TENM3: variants seen among roughly 807,000 people sequenced by gnomAD.
TENM3 encodes the protein teneurin transmembrane protein 3, also known as teneurin-3.
Under a neutral mutation model 255.1 loss-of-function variants are expected in TENM3, and 63 were observed. That is an observed-to-expected ratio of 0.25 (90% CI 0.20 to 0.30). The LOEUF is 0.30. Ranked by LOEUF, TENM3 falls within the 10% of genes least tolerant of loss-of-function variation. TENM3 has a pLI of 1.00. For synonymous variants in TENM3, 1,306 were observed against 1,322.3 expected, an observed-to-expected ratio of 0.99 and a Z score of 0.27; for missense variants, 2,929 against 3,461.1, an observed-to-expected ratio of 0.85 and a Z score of 3.86.
At chr4:181,863,391 A>C in the TENM3 span, among the ~76,000 whole-genome samples, 2 of 152,220 alleles carry the variant, frequency 1.3e-5, no homozygotes, top group Non-Finnish European at 2.9e-5. Context: ...ATCATGCATA[A>C]AAAGCATGAA....
intron 22 of TENM3, among the ~76,000 whole-genome samples, chr4:182,770,548 C>T (rs1764116840): frequency 6.6e-6 from 1 of 152,208 alleles, no homozygotes; most frequent in African/African-American, 2.4e-5. Flanking sequence ...AGTTGAGCCA[C>T]ACAGTTGCAA....
intron 12 of TENM3, among the ~76,000 whole-genome samples, chr4:182,712,788 T>C (rs1233681367): frequency 6.6e-6 from 1 of 152,248 alleles, no homozygotes; most frequent in Non-Finnish European, 1.5e-5. Flanking sequence ...AATAGTAGCA[T>C]TCAAATGATA....
chr4:181,924,409 T>C, the TENM3 span, among the ~76,000 whole-genome samples: 1 of 152,230 alleles, frequency 6.6e-6, no homozygotes, highest in Non-Finnish European at 1.5e-5. Context: ...TACTAGCTTG[T>C]ATGCAGGGTG....
chr4:182,163,645 AG>A (rs1425696560), intron 1 of TENM3, among the ~76,000 whole-genome samples: 2 of 152,200 alleles, frequency 1.3e-5, no homozygotes, highest in African/African-American at 4.8e-5. Flanking sequence ...AGGAGTAGGA[AG>A]GAATTTAGAG....
At chr4:182,405,274 C>T (rs1000936614) in intron 3 of TENM3, among the ~76,000 whole-genome samples, 2 of 152,186 alleles carry the variant, frequency 1.3e-5, no homozygotes, top group Non-Finnish European at 2.9e-5. Context: ...TCCTGAATGC[C>T]TCCTTTTGTA....
intron 13 of TENM3, among the ~76,000 whole-genome samples, chr4:182,717,011 G>T (rs561276200): frequency 9.2e-5 from 14 of 152,218 alleles, no homozygotes; most frequent in Non-Finnish European, 1.6e-4. Context: ...GTAGAACACA[G>T]TGTTTGTAAA....
the TENM3 span, among the ~76,000 whole-genome samples, chr4:181,787,148 G>A: frequency 6.6e-6 from 1 of 152,134 alleles, no homozygotes; most frequent in Non-Finnish European, 1.5e-5. Context: ...GGCCGGACAC[G>A]CCTTGTTCCA....
At chr4:182,589,857 A>T (rs760912250) in intron 3 of TENM3, among the ~76,000 whole-genome samples, 1 of 151,902 alleles carries the variant, frequency 6.6e-6, no homozygotes, top group Non-Finnish European at 1.5e-5. Flanking sequence ...GCCTGTAATC[A>T]CAGCTACTTG....
At chr4:182,679,390 T>G (rs1441964288) in intron 7 of TENM3, among the ~76,000 whole-genome samples, 2 of 152,196 alleles carry the variant, frequency 1.3e-5, no homozygotes, top group African/African-American at 4.8e-5. Context: ...ATCAAACTTT[T>G]GATCAGTCAG....
intron 3 of TENM3, among the ~76,000 whole-genome samples, chr4:182,450,612 CTG>C (rs1365589165): frequency 1.3e-5 from 2 of 152,220 alleles, no homozygotes; most frequent in Non-Finnish European, 2.9e-5. Context: ...TATACATTAA[CTG>C]AGAGACTGAA....
chr4:181,481,618 C>T, the TENM3 span, among the ~76,000 whole-genome samples: 6 of 152,080 alleles, frequency 3.9e-5, no homozygotes, highest in African/African-American at 9.7e-5. Context: ...AGTAAAACCA[C>T]GTAAACCAGA....
rs1760992712 is a variant in TENM3, at chr4:182,734,195, A to G, written c.2968-2613A>G. Among the ~76,000 whole-genome samples, 4 of 152,328 alleles carry G rather than the reference A, an allele frequency of 2.6e-5. No individual in the cohort carries two copies. In the South Asian group the frequency reaches 6.2e-4, roughly 24 times the overall value. On this transcript the variant is annotated intron_variant, in intron 16 of 27. Transcript: ENST00000511685. ...CTGAGGAGTTTGGGCTGAAACAAGG[A>G]TTAGGCTGGAGAGGGAGGAAAGCAC...
At chr4:181,870,118 A>G in the TENM3 span, among the ~76,000 whole-genome samples, 3 of 152,210 alleles carry the variant, frequency 2.0e-5, no homozygotes, top group East Asian at 5.8e-4. Flanking sequence ...ATTCAACGTG[A>G]TGTTTTTCAG....
intron 1 of TENM3, among the ~76,000 whole-genome samples, chr4:182,276,284 A>G (rs1326257176): frequency 6.6e-6 from 1 of 152,228 alleles, no homozygotes. Flanking sequence ...TCTCTCATTG[A>G]CCTTTTATCA....
chr4:181,707,593 T>C, the TENM3 span, among the ~76,000 whole-genome samples: 4,541 of 152,298 alleles, frequency 0.03, 199 homozygotes, highest in African/African-American at 0.1. Flanking sequence ...CATACTTGTA[T>C]GAATTTTCTG....
intron 1 of TENM3, among the ~76,000 whole-genome samples, chr4:182,176,495 T>C (rs1752495279): frequency 6.6e-6 from 1 of 152,208 alleles, no homozygotes; most frequent in African/African-American, 2.4e-5. Flanking sequence ...ACTGTTATTA[T>C]AGAAATTGAA....
intron 3 of TENM3, among the ~76,000 whole-genome samples, chr4:182,599,597 C>A (rs148005321): frequency 6.6e-6 from 1 of 152,020 alleles, no homozygotes; most frequent in Non-Finnish European, 1.5e-5. Context: ...TTATTTTTAT[C>A]ATTGTACCCT....
At chr4:182,161,747 GTATATATATACA>G in intron 1 of TENM3, among the ~76,000 whole-genome samples, 1 of 43,732 alleles carries the variant, frequency 2.3e-5, no homozygotes, top group African/African-American at 8.4e-5. Flanking sequence ...AAATATATGT[GTATATATATACA>G]TATATATGTG....
the TENM3 span, among the ~76,000 whole-genome samples, chr4:181,729,933 G>T: frequency 6.6e-6 from 1 of 152,174 alleles, no homozygotes; most frequent in African/African-American, 2.4e-5. Context: ...ACACAATGTT[G>T]TCCAAAAGAC....
Sources: gnomAD v4.1 joint callset for allele counts (sites outside exome capture counted in the v4.1 genomes callset) on GRCh38, gnomAD v4.1.1 for gene constraint, MANE v1.5 for transcripts, NCBI Gene and HGNC (gene_info 2026-07-23, HGNC 2026-07-21) for gene names.